DNM2: variants seen among roughly 807,000 people sequenced by gnomAD.
The protein encoded by DNM2 is dynamin 2, also known as dynamin-2.
Under a neutral mutation model 99.0 loss-of-function variants are expected in DNM2, and 15 were observed. That is an observed-to-expected ratio of 0.15 (90% CI 0.10 to 0.23). The LOEUF is 0.23. DNM2 is among the 10% of genes least tolerant of loss of function. The pLI, the probability that DNM2 is intolerant of heterozygous loss-of-function variation, is 1.00. For missense variants in DNM2, 742 were observed against 1,189.4 expected, an observed-to-expected ratio of 0.62 and a Z score of 5.53; for synonymous variants, 525 against 481.2, an observed-to-expected ratio of 1.09 and a Z score of -1.19.
intron 17 of DNM2, 188 bp from the exon 18 acceptor site, chr19:10,824,869 C>A: frequency 1.2e-6 from 1 of 809,202 alleles, no homozygotes; most frequent in Non-Finnish European, 2.0e-6. Context: ...ACCCCAGCAT[C>A]AGCCAGGGTC....
In DNM2 at chr19:10,830,258, C is replaced by T. The variant is rs1333221580; in HGVS notation, c.2423C>T (p.Pro808Leu). The change falls in exon 20 of 21, where the codon CCA (proline) becomes CTA (leucine). Residue 808 changes from proline to leucine, a missense_variant. By Grantham distance (98) the Pro-to-Leu change is moderately conservative (BLOSUM62 -3). Transcript: ENST00000389253. This position sits in a 1 kb window ranked among gnomAD's most constrained non-coding sequence, Gnocchi z 4.8. ...GCAGCAGCCTCCTTCTCGGCGCCCC[C>T]AATCCCATCCCGGCCTGGACCCCAG... ...VGAAASFSAP[P>L]IPSRPGPQSV... 6.2e-7 allele frequency: 1 copy of T among 1,613,914 alleles called. No individual in the cohort carries two copies. Among genetic ancestry groups the T allele is most frequent in the Admixed American group, 1.7e-5 (1 of 59,998 alleles).
chr19:10,823,896 C>G lies in DNM2; in HGVS notation c.1890C>G (p.Asp630Glu). ...GAGCTGGCGTCTACCCCGAGAAGGACCAGGTGAGGAGCCGTCCTGCGCAGC... is the reference window on the plus strand; with the variant it reads ...GAGCTGGCGTCTACCCCGAGAAGGAGCAGGTGAGGAGCCGTCCTGCGCAGC... ...FLRAGVYPEK[D>E]QAENEDGAQE... The change falls in exon 17 of 21, where the codon GAC becomes GAG. Residue 630 changes from aspartate (D) to glutamate (E), a missense_variant. Around this residue, in one of 7 missense-constraint regions of DNM2, gnomAD observed 240 missense variants for 431.3 expected, o/e 0.56. Transcript: ENST00000389253. 1 of 1,613,578 alleles carries G rather than the reference C, an allele frequency of 6.2e-7. No individual in the cohort carries two copies. The highest frequency in any genetic ancestry group is 8.5e-7 in the Non-Finnish European group (1 of 1,179,960).
At chr19:10,761,809 G>T (rs2070643998) in intron 2 of DNM2, among the ~76,000 whole-genome samples, 1 of 152,156 alleles carries the variant, frequency 6.6e-6, no homozygotes, top group African/African-American at 2.4e-5. Flanking sequence ...TGGCAAGAAG[G>T]CGTGTCTCCA....
chr19:10,812,257 C>G lies in DNM2; in HGVS notation c.1558-7C>G, dbSNP rs184310103. On this transcript the variant is annotated splice_region_variant and splice_polypyrimidine_tract_variant and intron_variant, in intron 14 of 20. Coordinates refer to ENST00000389253, the MANE Select transcript of DNM2 (RefSeq NM_001005361.3). The surrounding 1 kb of genome is among the most constrained non-coding windows in gnomAD (Gnocchi z 4.0). Reference sequence around the variant, plus strand: ...GGTTCCCTGCTAAGCTGCGCGCTTTCCCCCAGGTGATCCGCAGGGGCTGGC... The same window carrying G: ...GGTTCCCTGCTAAGCTGCGCGCTTTGCCCCAGGTGATCCGCAGGGGCTGGC... 1 of 1,589,066 alleles carries G rather than the reference C, an allele frequency of 6.3e-7. No individual in the cohort carries two copies. The highest frequency in any genetic ancestry group is 1.1e-5 in the South Asian group (1 of 88,440).
chr19:10,813,456 T>G (rs1421985970), intron 15 of DNM2, among the ~76,000 whole-genome samples: 6 of 152,222 alleles, frequency 3.9e-5, no homozygotes, highest in African/African-American at 1.4e-4. Flanking sequence ...GCAGAGTGTT[T>G]GTGGTGTCTG....
chr19:10,816,232 G>A lies in DNM2; in HGVS notation c.1672-3748G>A, dbSNP rs963599416. 6.6e-6 allele frequency among the ~76,000 whole-genome samples: 1 copy of A among 152,110 alleles called. No individual in the cohort carries two copies. Among genetic ancestry groups the A allele is most frequent in the African/African-American group, 2.4e-5 (1 of 41,426 alleles). On this transcript the variant is annotated intron_variant, in intron 15 of 20. Coordinates refer to ENST00000389253, the MANE Select transcript of DNM2 (RefSeq NM_001005361.3). This position sits in a 1 kb window ranked among gnomAD's most constrained non-coding sequence, Gnocchi z 4.6. ...ACCTCCGCTGCAGCCCAGGCCTGATGTCCCCTTGACTGAGGACATTGGGGG... is the reference window on the plus strand; with the variant it reads ...ACCTCCGCTGCAGCCCAGGCCTGATATCCCCTTGACTGAGGACATTGGGGG...
At chr19:10,806,548 TAGG>T (rs1040683128) in intron 13 of DNM2, among the ~76,000 whole-genome samples, 1 of 152,082 alleles carries the variant, frequency 6.6e-6, no homozygotes, top group Admixed American at 6.6e-5. Flanking sequence ...TCTAGCATGT[TAGG>T]AGGCTGAGGC....
intron 11 of DNM2, among the ~76,000 whole-genome samples, chr19:10,799,950 A>G (rs1357866014): frequency 6.6e-6 from 1 of 151,928 alleles, no homozygotes; most frequent in Non-Finnish European, 1.5e-5. Flanking sequence ...GGCCGTCCTT[A>G]TACTCTCCTG....
intron 1 of DNM2, among the ~76,000 whole-genome samples, chr19:10,730,423 G>C (rs1267296975): frequency 6.6e-6 from 1 of 152,068 alleles, no homozygotes; most frequent in Middle Eastern, 3.2e-3. Context: ...AACTTGCAGT[G>C]AGCCCACACT....
chr19:10,823,971 G>A (rs2073065285), intron 17 of DNM2, 72 bp downstream of exon 17: 1 of 1,476,502 alleles, frequency 6.8e-7, no homozygotes, highest in Non-Finnish European at 9.4e-7. Flanking sequence ...GCTTTCCCCA[G>A]GACAGGTCAT....
At position 10,831,322 on chromosome 19, in the gene DNM2, TTG is replaced by T; in HGVS notation, c.*276_*277del. ...GGTGGCAGAGGGGGGACCAGAACCCTTGACACCATCCTGAATGAGGGGTCCAG... is the reference window on the plus strand; with the variant it reads ...GGTGGCAGAGGGGGGACCAGAACCCTACACCATCCTGAATGAGGGGTCCAG... On this transcript the variant is annotated 3_prime_UTR_variant, in exon 21 of 21. Coordinates refer to ENST00000389253, the MANE Select transcript of DNM2 (RefSeq NM_001005361.3). The surrounding 1 kb of genome is among the most constrained non-coding windows in gnomAD (Gnocchi z 4.3). 2.4e-6 allele frequency: 3 copies of T among 1,236,584 alleles called. No individual in the cohort carries two copies. The highest frequency in any genetic ancestry group is 2.7e-5 in the South Asian group (1 of 37,284). The allele number at this position is 1,236,584 out of a possible 1,614,324, so 76.6% of individuals were successfully genotyped here.
At chr19:10,802,831 G>T (rs565120188) in intron 12 of DNM2, among the ~76,000 whole-genome samples, 1 of 152,196 alleles carries the variant, frequency 6.6e-6, no homozygotes, top group African/African-American at 2.4e-5. Flanking sequence ...AGAACCTTCC[G>T]TGGCACCCAG....
intron 12 of DNM2, 200 bp downstream of exon 12, chr19:10,802,558 C>G: frequency 4.5e-6 from 3 of 666,806 alleles, no homozygotes; most frequent in Non-Finnish European, 8.1e-6. Context: ...AACCAACACG[C>G]CTTCTGTGAG....
rs1170122560 is a variant in DNM2 at position 10,817,346 on chromosome 19, G to GAAACGGGGTGGTGGA, written c.1672-2630_1672-2616dup. The GAAACGGGGTGGTGGA allele has an allele frequency of 2.2e-6, 1 of 460,274 alleles. No individual in the cohort carries two copies. The highest frequency in any genetic ancestry group is 6.9e-5 in the East Asian group (1 of 14,436). 28.5% of individuals were successfully genotyped at this position (460,274 alleles called of 1,614,324 possible). A position where few individuals can be genotyped will look rare whatever the true frequency, so the allele number is the denominator to read the frequency against. On this transcript the variant is annotated intron_variant, in intron 15 of 20. Coordinates refer to ENST00000389253, the MANE Select transcript of DNM2 (RefSeq NM_001005361.3). The surrounding 1 kb of genome is among the most constrained non-coding windows in gnomAD (Gnocchi z 4.6). ...TCTATGCGAGGCTCTGCCACAGTGG[G>GAAACGGGGTGGTGGA]AAACGGGGTGGTGGAAAATGACACT...
intron 1 of DNM2, among the ~76,000 whole-genome samples, chr19:10,758,245 T>TCTTCCTTCCCTC (rs1185971952): frequency 1.4e-5 from 2 of 144,258 alleles, no homozygotes; most frequent in East Asian, 2.1e-4. Flanking sequence ...TTGATTCCTT[T>TCTTCCTTCCCTC]CTTCCTTCCC....
At chr19:10,824,994 C>G in intron 17 of DNM2, 63 bp from the exon 18 acceptor site, 1 of 1,610,470 alleles carries the variant, frequency 6.2e-7, no homozygotes, top group Non-Finnish European at 8.5e-7. Flanking sequence ...CAGATGGTTT[C>G]CAGAGAACCA....
chr19:10,797,659 T>C, intron 10 of DNM2, 141 bp downstream of exon 10: 1 of 1,323,308 alleles, frequency 7.6e-7, no homozygotes. Context: ...TGTCGCCACC[T>C]TGCATTGGCA....
At chr19:10,826,444 C>T (rs148947589) in intron 18 of DNM2, among the ~76,000 whole-genome samples, 6 of 152,340 alleles carry the variant, frequency 3.9e-5, no homozygotes, top group Admixed American at 6.5e-5. Flanking sequence ...CGCCTGGCCC[C>T]GGGTTCCCTG....
chr19:10,778,363 AG>A (rs1282601820), intron 5 of DNM2, among the ~76,000 whole-genome samples: 1 of 151,942 alleles, frequency 6.6e-6, no homozygotes, highest in Non-Finnish European at 1.5e-5. Context: ...CACAAATCCT[AG>A]GCACTGGCTG....
Sources: allele counts gnomAD v4.1 joint callset (sites outside exome capture counted in the v4.1 genomes callset), GRCh38; gene constraint gnomAD v4.1.1; regional missense constraint gnomAD v4.1.1; non-coding constraint Gnocchi (gnomAD v3.1); transcripts MANE v1.5; gene names NCBI Gene and HGNC (gene_info 2026-07-23, HGNC 2026-07-21).